Variants in ADAMTS6 observed in about 807,000 individuals in gnomAD.
The protein encoded by ADAMTS6 is ADAM metallopeptidase with thrombospondin type 1 motif 6.
In ADAMTS6, 23 loss-of-function variants were observed where a neutral mutation model predicts 144.3. The observed-to-expected ratio is 0.16, with a 90% CI of 0.11 to 0.23. The LOEUF is 0.23. ADAMTS6 is among the 10% of genes least tolerant of loss of function. ADAMTS6 has a pLI of 1.00. For synonymous variants in ADAMTS6, 444 were observed against 457.5 expected (o/e 0.97, Z 0.38); for missense variants, 999 against 1,379.6 (o/e 0.72, Z 4.37).
chr5:65,406,708 G>T (rs539675380), intron 7 of ADAMTS6, among the ~76,000 whole-genome samples: 1 of 152,148 alleles, frequency 6.6e-6, no homozygotes, highest in African/African-American at 2.4e-5. Flanking sequence ...TTGGAATAGT[G>T]TCAGAAGGAA....
At chr5:65,411,808 T>C (rs1227442837) in intron 7 of ADAMTS6, among the ~76,000 whole-genome samples, 1 of 152,200 alleles carries the variant, frequency 6.6e-6, no homozygotes, top group African/African-American at 2.4e-5. Context: ...TATGCCTTTG[T>C]AAAAGGCTGA....
chr5:65,466,800 T>G (rs1370890632), intron 3 of ADAMTS6, among the ~76,000 whole-genome samples: 1 of 152,166 alleles, frequency 6.6e-6, no homozygotes, highest in East Asian at 1.9e-4. Context: ...CCCAGCACTT[T>G]GGGAGGCCGA....
At chr5:65,293,764 T>G (rs1020940329) in intron 10 of ADAMTS6, among the ~76,000 whole-genome samples, 1 of 152,136 alleles carries the variant, frequency 6.6e-6, no homozygotes, top group Non-Finnish European at 1.5e-5. Flanking sequence ...TGCAGGCACC[T>G]GTGGTCAAAA....
Position 65,473,864 on chromosome 5 carries a change from A to C in ADAMTS6, c.-191T>G, listed in dbSNP as rs1200071373. On this transcript the variant is annotated 5_prime_UTR_variant, in exon 2 of 25. The change creates a new upstream start codon in the 5' untranslated region. Coordinates refer to ENST00000381055, the MANE Select transcript of ADAMTS6 (RefSeq NM_197941.4). The stretch of plus-strand genomic sequence containing the variant: ...CTTCTATATCTGGATTCATTTTCTC[A>C]ATCCAAAATGAAAAAAATAATGATG... 6.1e-6 allele frequency: 3 copies of C among 494,142 alleles called. No homozygotes were observed. The highest frequency in any genetic ancestry group is 1.1e-5 in the Non-Finnish European group (3 of 275,680). The allele number at this position is 494,142 out of a possible 1,614,324, so 30.6% of individuals were successfully genotyped here.
rs1307218118 is a variant in ADAMTS6, at chr5:65,451,451, A to G, written c.1073+24T>C. The G allele has an allele frequency of 3.1e-6, 5 of 1,611,946 alleles. No homozygotes were observed. The South Asian group carries it at 3.3e-5, about 11-fold the overall frequency. ...AGTGAATAAACACAACAATCAATGG[A>G]AAAATACTTGCAACAAACCATACCT... On this transcript the variant is annotated intron_variant, in intron 7 of 24. Coordinates refer to ENST00000381055, the MANE Select transcript of ADAMTS6 (RefSeq NM_197941.4).
rs1175275682 is a variant in ADAMTS6 at position 65,386,490 on chromosome 5, TAAC to T, written c.1074-52408_1074-52406del. ...AATGTTTAACACCGTTGATTTACAT[TAAC>T]AACAAGATGCAGAAATATTATGCTA... On this transcript the variant is annotated intron_variant, in intron 7 of 24. Transcript: ENST00000381055. 3.9e-5 allele frequency among the ~76,000 whole-genome samples: 6 copies of T among 152,230 alleles called. No individual in the cohort carries two copies. The East Asian group carries it at 1.2e-3, about 29-fold the overall frequency.
intron 7 of ADAMTS6, among the ~76,000 whole-genome samples, chr5:65,347,741 C>A (rs1580456404): frequency 1.3e-5 from 2 of 151,938 alleles, no homozygotes; most frequent in South Asian, 4.1e-4. Flanking sequence ...ATATTTTAAA[C>A]CGTACATCTC....
chr5:65,217,346 T>A (rs1364788857), intron 18 of ADAMTS6, among the ~76,000 whole-genome samples: 1 of 151,534 alleles, frequency 6.6e-6, no homozygotes, highest in African/African-American at 2.4e-5. Flanking sequence ...TGGCTTTAAA[T>A]TCTCCTTCAG....
intron 20 of ADAMTS6, among the ~76,000 whole-genome samples, chr5:65,207,671 GA>G (rs1460327034): frequency 1.3e-5 from 2 of 152,328 alleles, no homozygotes; most frequent in African/African-American, 4.8e-5. Flanking sequence ...TTCTCTTAAA[GA>G]AAGTAACTTC....
intron 7 of ADAMTS6, among the ~76,000 whole-genome samples, chr5:65,434,507 T>C (rs2150221691): frequency 6.6e-6 from 1 of 152,274 alleles, no homozygotes; most frequent in South Asian, 2.1e-4. Flanking sequence ...GGAACTACCC[T>C]TGATTTTATT....
At chr5:65,317,597 A>C (rs1341355085) in intron 9 of ADAMTS6, among the ~76,000 whole-genome samples, 1 of 152,218 alleles carries the variant, frequency 6.6e-6, no homozygotes, top group Non-Finnish European at 1.5e-5. Context: ...ACAGCAAAGG[A>C]AACAATCAAC....
At chr5:65,277,077 G>T (rs536281452) in intron 11 of ADAMTS6, among the ~76,000 whole-genome samples, 1 of 152,302 alleles carries the variant, frequency 6.6e-6, no homozygotes, top group East Asian at 1.9e-4. Context: ...TAAGGAAGGA[G>T]AGAGAAGTTA....
Position 65,470,851 on chromosome 5 carries a change from T to C in ADAMTS6, c.389A>G (p.Asn130Ser). 1 of 1,610,182 alleles carries C rather than the reference T, an allele frequency of 6.2e-7. No homozygotes were observed. The highest frequency in any genetic ancestry group is 8.5e-7 in the Non-Finnish European group (1 of 1,179,038). The stretch of plus-strand genomic sequence containing the variant: ...TTGCAAATATCCTGTGTAATGACAG[T>C]TGTCTAAAAAATCATGTTTCCACTG... ...GPQWKHDFLDNCHYTGYLQDQ... is the reference protein window; with the variant it reads ...GPQWKHDFLDSCHYTGYLQDQ... Residue 130 changes from asparagine (N) to serine (S), a missense_variant, in exon 3 of 25, where the codon AAC becomes AGC. Asn to Ser is a conservative substitution (Grantham distance 46, BLOSUM62 1). Coordinates refer to ENST00000381055, the MANE Select transcript of ADAMTS6 (RefSeq NM_197941.4).
intron 22 of ADAMTS6, among the ~76,000 whole-genome samples, chr5:65,187,258 C>T (rs1256079350): frequency 6.6e-6 from 1 of 152,108 alleles, no homozygotes; most frequent in Non-Finnish European, 1.5e-5. Flanking sequence ...CTCATGGATA[C>T]TGAGGAGTCA....
At chr5:65,240,220 T>C (rs1436858878) in intron 15 of ADAMTS6, among the ~76,000 whole-genome samples, 3 of 152,060 alleles carry the variant, frequency 2.0e-5, no homozygotes, top group East Asian at 3.9e-4. Flanking sequence ...TTCTCCCGCC[T>C]CAGCCTCCCA....
chr5:65,423,227 T>C (rs1756223588), intron 7 of ADAMTS6, among the ~76,000 whole-genome samples: 1 of 152,174 alleles, frequency 6.6e-6, no homozygotes, highest in Non-Finnish European at 1.5e-5. Flanking sequence ...CAATATACAC[T>C]CTTCAGGTGG....
At chr5:65,332,797 A>G (rs569011855) in intron 8 of ADAMTS6, among the ~76,000 whole-genome samples, 1 of 152,244 alleles carries the variant, frequency 6.6e-6, no homozygotes, top group East Asian at 1.9e-4. Flanking sequence ...TGTTAGCTTA[A>G]AACACTACAA....
chr5:65,472,695 A>T (rs1368740141), intron 2 of ADAMTS6, among the ~76,000 whole-genome samples: 1 of 152,202 alleles, frequency 6.6e-6, no homozygotes, highest in African/African-American at 2.4e-5. Context: ...TGGAGTTTAC[A>T]CACTAATATA....
At chr5:65,414,163 T>C (rs1206483961) in intron 7 of ADAMTS6, among the ~76,000 whole-genome samples, 1 of 152,216 alleles carries the variant, frequency 6.6e-6, no homozygotes, top group Non-Finnish European at 1.5e-5. Flanking sequence ...CCCAGTTTAC[T>C]ACTACTCTTA....
Sources: gnomAD v4.1 joint callset for allele counts (sites outside exome capture counted in the v4.1 genomes callset) on GRCh38, gnomAD v4.1.1 for gene constraint, MANE v1.5 for transcripts, NCBI Gene and HGNC (gene_info 2026-07-23, HGNC 2026-07-21) for gene names.